The following DZIP1L variants were observed in gnomAD, a reference collection of about 807,000 sequenced individuals.
The protein encoded by DZIP1L is DAZ interacting zinc finger protein 1 like.
DZIP1L carries 90 observed loss-of-function variants against 88.7 expected under a neutral mutation model. That is an observed-to-expected ratio of 1.02 (90% CI 0.86 to 1.21). DZIP1L has a LOEUF of 1.21. DZIP1L is among the 50% of genes most tolerant of loss of function. DZIP1L has a pLI of 0.00. For missense variants in DZIP1L, 932 were observed against 955.8 expected (o/e 0.98, Z 0.33); for synonymous variants, 363 against 372.1 (o/e 0.98, Z 0.28).
At position 138,063,018 on chromosome 3, in the gene DZIP1L, G is replaced by T; in HGVS notation, c.2143-41C>A. 1 of 1,606,432 alleles carries T rather than the reference G, an allele frequency of 6.2e-7. No individual in the cohort carries two copies. Among genetic ancestry groups the T allele is most frequent in the South Asian group, 1.1e-5 (1 of 90,648 alleles). On this transcript the variant is annotated intron_variant, in intron 15 of 15. Transcript: ENST00000327532. The surrounding 1 kb of genome is among the most constrained non-coding windows in gnomAD (Gnocchi z 4.1). ...GGGAGAAGAAAATGCATTTTGATAA[G>T]GGAGGAGGGTGGCTGAGAGCTAAGC...
At chr3:138,068,972 A>G (rs1943047153) in intron 12 of DZIP1L, 3 of 1,273,382 alleles carry the variant, frequency 2.4e-6, no homozygotes, top group Admixed American at 3.9e-5. Flanking sequence ...GGAGTCAGAC[A>G]TGTGTGGATT....
In DZIP1L at chr3:138,067,691, C is replaced by T. The variant is rs147742959; in HGVS notation, c.1842G>A (p.Pro614=). 21 of 1,558,328 alleles carry T rather than the reference C, an allele frequency of 1.3e-5. No individual in the cohort carries two copies. In the East Asian group the frequency reaches 1.9e-4, roughly 14 times the overall value. The part of the protein sequence containing the change: ...PSSGPGMSTP[P]FSSEEDSEGD... The stretch of plus-strand genomic sequence containing the variant: ...CCTCTGAGTCCTCTTCAGAACTGAA[C>T]GGGGGCGTGCTGCCACGAGGAGGAG... Residue 614 remains proline, a synonymous_variant, in exon 14 of 16, where the codon CCG becomes CCA. Transcript: ENST00000327532.
chr3:138,091,851 A>G (rs1268565237), intron 5 of DZIP1L, among the ~76,000 whole-genome samples: 1 of 152,164 alleles, frequency 6.6e-6, no homozygotes, highest in Non-Finnish European at 1.5e-5. Context: ...AGTATACTGC[A>G]TGGGGGCTGG....
intron 4 of DZIP1L, 73 bp downstream of exon 4, chr3:138,094,789 G>A: frequency 6.3e-7 from 1 of 1,587,800 alleles, no homozygotes. Flanking sequence ...TGCCCTGTGG[G>A]ATTCATGTGC....
chr3:138,086,939 G>C, intron 7 of DZIP1L, 22 bp downstream of exon 7: 3 of 1,612,976 alleles, frequency 1.9e-6, no homozygotes, highest in Non-Finnish European at 2.5e-6. Flanking sequence ...CAAGCTCCCC[G>C]AGATCACCCA....
Position 138,103,989 on chromosome 3 carries a change from A to C in DZIP1L, c.-18T>G, listed in dbSNP as rs1236007680. 1.3e-6 allele frequency: 2 copies of C among 1,598,178 alleles called. No homozygotes were observed. Among genetic ancestry groups the C allele is most frequent in the Admixed American group, 3.4e-5 (2 of 58,576 alleles). On this transcript the variant is annotated 5_prime_UTR_variant, in exon 2 of 16. Transcript: ENST00000327532. ...GACTGCATGGGCAGAGGAAGCCCTG[A>C]GCTGACCACCAGAGGAGGGGGGCAC...
At chr3:138,081,839 C>T in intron 8 of DZIP1L, 75 bp from the exon 9 acceptor site, 1 of 1,514,688 alleles carries the variant, frequency 6.6e-7, no homozygotes, top group Non-Finnish European at 9.0e-7. Context: ...GCAGTGTCTG[C>T]CTAGCACAGT....
In DZIP1L at chr3:138,067,539, T is replaced by C; in HGVS notation, c.1994A>G (p.Gln665Arg). 6.2e-7 allele frequency: 1 copy of C among 1,603,374 alleles called. No individual in the cohort carries two copies. Among genetic ancestry groups the C allele is most frequent in the South Asian group, 1.1e-5 (1 of 89,314 alleles). ...CAAAGGTGCCAGCTCACCTGAGCCC[T>C]GGCCAGGGGGCTGGGCATTCTCCTC... ...TSEENAQPPG[Q>R]GSGTLVQSMV... is the part of the protein sequence containing the mutation. The change falls in exon 14 of 16, where the codon CAG becomes CGG. Residue 665 changes from glutamine (Q) to arginine (R), a missense_variant. Transcript: ENST00000327532.
At chr3:138,069,261 T>A in intron 12 of DZIP1L, 1 of 510,264 alleles carries the variant, frequency 2.0e-6, no homozygotes. Context: ...GTGATTTTCT[T>A]AATAACATGT....
At chr3:138,110,929 GT>G (rs1248302700) in intron 1 of DZIP1L, among the ~76,000 whole-genome samples, 1 of 152,138 alleles carries the variant, frequency 6.6e-6, no homozygotes, top group Non-Finnish European at 1.5e-5. Flanking sequence ...TGGCTCCAAA[GT>G]TTTTTTCTCC....
intron 13 of DZIP1L, among the ~76,000 whole-genome samples, 195 bp downstream of exon 13, chr3:138,067,956 G>T (rs899070632): frequency 2.0e-5 from 3 of 152,204 alleles, no homozygotes; most frequent in Non-Finnish European, 4.4e-5. Context: ...GGTAAGGGGA[G>T]GGTGGGTTTG....
intron 11 of DZIP1L, among the ~76,000 whole-genome samples, chr3:138,076,539 A>G (rs917334803): frequency 6.6e-6 from 1 of 152,258 alleles, no homozygotes; most frequent in African/African-American, 2.4e-5. Context: ...GAGTGGATAA[A>G]GAAACTGATA....
Position 138,103,613 on chromosome 3 carries a change from C to G in DZIP1L, c.359G>C (p.Gly120Ala). Residue 120 changes from glycine (G) to alanine (A), a missense_variant, in exon 2 of 16, where the codon GGC becomes GCC. Gly to Ala is a moderately conservative substitution (Grantham distance 60). Coordinates refer to ENST00000327532, the MANE Select transcript of DZIP1L (RefSeq NM_173543.3). ...QLEARLQTSL[G>A]QQQRGQQELG... ...CTCCTGCTGACCACGCTGCTGCTGGCCCAGGCTGGTCTGCAGCCGTGCCTC... is the reference window on the plus strand; with the variant it reads ...CTCCTGCTGACCACGCTGCTGCTGGGCCAGGCTGGTCTGCAGCCGTGCCTC... 6.2e-7 allele frequency: 1 copy of G among 1,606,460 alleles called. No homozygotes were observed. The highest frequency in any genetic ancestry group is 8.5e-7 in the Non-Finnish European group (1 of 1,179,186).
intron 14 of DZIP1L, 64 bp from the exon 15 acceptor site, chr3:138,064,831 T>C (rs1942826552): frequency 9.2e-6 from 14 of 1,527,346 alleles, no homozygotes; most frequent in Non-Finnish European, 1.2e-5. Flanking sequence ...CTCAGTTTTG[T>C]GGCTCATGTC....
In DZIP1L at chr3:138,068,349, G is replaced by A. The variant is rs1313026197; in HGVS notation, c.1634C>T (p.Thr545Ile). ...TGGCTGGGCCTCTCTGGTGACCAGTGTGCTCTGCTGGCTTTTGACTGGAAA... is the reference window on the plus strand; with the variant it reads ...TGGCTGGGCCTCTCTGGTGACCAGTATGCTCTGCTGGCTTTTGACTGGAAA... ...GQPSVKSQQSTLVTREAQPKT... is the reference protein window; with the variant it reads ...GQPSVKSQQSILVTREAQPKT... Residue 545 changes from threonine to isoleucine, a missense_variant, in exon 13 of 16, where the codon ACA (threonine) becomes ATA (isoleucine). Transcript: ENST00000327532. 2 of 1,539,518 alleles carry A rather than the reference G, an allele frequency of 1.3e-6. No homozygotes were observed. The highest frequency in any genetic ancestry group is 1.8e-6 in the Non-Finnish European group (2 of 1,140,234).
chr3:138,103,561 C>T lies in DZIP1L; in HGVS notation c.411G>A (p.Lys137=). 6 of 1,609,240 alleles carry T rather than the reference C, an allele frequency of 3.7e-6. No homozygotes were observed. The highest frequency in any genetic ancestry group is 4.2e-6 in the Non-Finnish European group (5 of 1,179,714). Residue 137 remains lysine (K), a synonymous_variant, in exon 2 of 16, where the codon AAG becomes AAA. Coordinates refer to ENST00000327532, the MANE Select transcript of DZIP1L (RefSeq NM_173543.3). ...QELGRQADEL[K]GVREESRRRR... The stretch of plus-strand genomic sequence containing the variant: ...GCCGGCGGCTCTCCTCCCGCACACC[C>T]TTGAGCTCGTCAGCCTGGCGTCCCA...
chr3:138,062,518 T>C lies in DZIP1L; in HGVS notation c.*298A>G. 1 of 293,958 alleles carries C rather than the reference T, an allele frequency of 3.4e-6. No individual in the cohort carries two copies. Among genetic ancestry groups the C allele is most frequent in the Non-Finnish European group, 6.4e-6 (1 of 155,758 alleles). The allele number at this position is 293,958 out of a possible 1,614,324, so 18.2% of individuals were successfully genotyped here. A position where few individuals can be genotyped will look rare whatever the true frequency, so the allele number is the denominator to read the frequency against. On this transcript the variant is annotated 3_prime_UTR_variant, in exon 16 of 16. Coordinates refer to ENST00000327532, the MANE Select transcript of DZIP1L (RefSeq NM_173543.3). ...TGGGAAAAGAGAGTTAGTGACTCTT[T>C]TCAGTCTTGGGGGGATGTGGAGGTA...
chr3:138,098,113 A>C (rs982280493), intron 2 of DZIP1L, among the ~76,000 whole-genome samples: 3 of 152,214 alleles, frequency 2.0e-5, no homozygotes, highest in Non-Finnish European at 2.9e-5. Flanking sequence ...TCAGAGTGTG[A>C]TGATGGTGTT....
chr3:138,068,847 C>T lies in DZIP1L; in HGVS notation c.1616-480G>A, dbSNP rs1395966893. On this transcript the variant is annotated intron_variant, in intron 12 of 15. Coordinates refer to ENST00000327532, the MANE Select transcript of DZIP1L (RefSeq NM_173543.3). ...AGTCTGGGGCAAGGCAGTACCAAGG[C>T]AGGCAATTGGACACAGCCCCTCTGT... 6 of 1,144,726 alleles carry T rather than the reference C, an allele frequency of 5.2e-6. No homozygotes were observed. The East Asian group carries it at 1.1e-4, about 21-fold the overall frequency. The allele number at this position is 1,144,726 out of a possible 1,614,324, so 70.9% of individuals were successfully genotyped here.
Sources: gnomAD v4.1 joint callset for allele counts (sites outside exome capture counted in the v4.1 genomes callset) on GRCh38, gnomAD v4.1.1 for gene constraint, Gnocchi (gnomAD v3.1) non-coding constraint, MANE v1.5 for transcripts, NCBI Gene and HGNC (gene_info 2026-07-23, HGNC 2026-07-21) for gene names.